The following TTLL5 variants were observed in gnomAD, a reference collection of about 807,000 sequenced individuals.
The protein encoded by TTLL5 is tubulin polyglutamylase TTLL5.
In TTLL5, 132 loss-of-function variants were observed where a neutral mutation model predicts 168.4. The observed-to-expected ratio is 0.78, with a 90% CI of 0.68 to 0.91. The LOEUF (loss-of-function observed/expected upper bound fraction) is 0.91, where lower values mean the gene tolerates loss of function less well. Ranked by LOEUF, TTLL5 falls within the 40% of genes least tolerant of loss-of-function variation. The pLI is 0.00. For synonymous variants in TTLL5, 546 were observed against 558.6 expected (o/e 0.98, Z 0.32); for missense variants, 1,545 against 1,581.5 (o/e 0.98, Z 0.39).
In TTLL5 at chr14:75,831,434, AT is replaced by A. The variant is rs575659440; in HGVS notation, c.3326+11274del. On this transcript the variant is annotated intron_variant, in intron 28 of 31. Coordinates refer to ENST00000298832, the MANE Select transcript of TTLL5 (RefSeq NM_015072.5). ...GGTTTTTAAAGCAGATCCCAGCATT[AT>A]CTTTTTATTTTCTGAGATGTGTCCA... 4.5e-3 allele frequency among the ~76,000 whole-genome samples: 678 copies of A among 152,270 alleles called. 1 individual carries two copies. Among genetic ancestry groups the A allele is most frequent in the Non-Finnish European group, 6.7e-3 (458 of 68,016 alleles).
chr14:75,762,116 C>G (rs1890684491), intron 18 of TTLL5, among the ~76,000 whole-genome samples: 1 of 152,052 alleles, frequency 6.6e-6, no homozygotes, highest in East Asian at 1.9e-4. Context: ...ATGTTGGGGG[C>G]TGGGCGTGGT....
intron 31 of TTLL5, among the ~76,000 whole-genome samples, chr14:75,907,585 C>G (rs907760545): frequency 1.4e-4 from 21 of 152,328 alleles, no homozygotes; most frequent in African/African-American, 5.1e-4. Context: ...CCACAGGATT[C>G]ATTTACATTG....
intron 28 of TTLL5, among the ~76,000 whole-genome samples, chr14:75,858,216 A>G (rs146031417): frequency 1.3e-5 from 2 of 152,274 alleles, no homozygotes; most frequent in African/African-American, 2.4e-5. Context: ...CTGTGTTGAC[A>G]TTTGCACCGA....
intron 9 of TTLL5, 64 bp from the exon 10 acceptor site, chr14:75,717,797 C>T (rs1187122582): frequency 3.4e-6 from 5 of 1,462,062 alleles, no homozygotes; most frequent in African/African-American, 2.8e-5. Context: ...CATTGATCCT[C>T]AGTTCCAGCC....
intron 31 of TTLL5, among the ~76,000 whole-genome samples, chr14:75,916,690 C>G (rs74958277): frequency 6.6e-6 from 1 of 152,076 alleles, no homozygotes. Context: ...ATTCTGTGTG[C>G]GTATGCCCAA....
At chr14:75,678,911 T>A (rs1041662718) in intron 3 of TTLL5, among the ~76,000 whole-genome samples, 8 of 152,226 alleles carry the variant, frequency 5.3e-5, no homozygotes, top group Admixed American at 1.3e-4. Flanking sequence ...TCCTATTCCC[T>A]AATAGCCTCT....
chr14:75,846,574 T>C (rs1020180496), intron 28 of TTLL5, among the ~76,000 whole-genome samples: 9 of 152,076 alleles, frequency 5.9e-5, no homozygotes, highest in Non-Finnish European at 8.8e-5. Flanking sequence ...GCGGATCACC[T>C]GAGATCGGGA....
At chr14:75,732,618 C>A (rs1239948103) in intron 13 of TTLL5, among the ~76,000 whole-genome samples, 199 bp downstream of exon 13, 1 of 152,094 alleles carries the variant, frequency 6.6e-6, no homozygotes, top group African/African-American at 2.4e-5. Context: ...CTCTGTCTTC[C>A]TAGTCAATTT....
intron 28 of TTLL5, among the ~76,000 whole-genome samples, chr14:75,828,662 G>A (rs1051623039): frequency 1.3e-5 from 2 of 152,138 alleles, no homozygotes; most frequent in African/African-American, 4.8e-5. Flanking sequence ...ACATTCTTTT[G>A]AAACTGGGTT....
At chr14:75,798,976 C>T (rs1893138798) in intron 27 of TTLL5, among the ~76,000 whole-genome samples, 1 of 152,084 alleles carries the variant, frequency 6.6e-6, no homozygotes, top group South Asian at 2.1e-4. Context: ...TATCCGTTAA[C>T]TCCATTTGTT....
At chr14:75,906,561 T>G (rs1197443719) in intron 31 of TTLL5, 2 of 985,876 alleles carry the variant, frequency 2.0e-6, no homozygotes, top group East Asian at 1.1e-4. Context: ...TCAGGATCTT[T>G]GGATACTCCC....
chr14:75,935,268 G>A (rs1159089392), intron 31 of TTLL5, among the ~76,000 whole-genome samples: 2 of 152,148 alleles, frequency 1.3e-5, no homozygotes, highest in Non-Finnish European at 2.9e-5. Context: ...AACAGCCCTC[G>A]TTGGTTTCTT....
chr14:75,773,907 C>CAT (rs34160638), intron 21 of TTLL5, among the ~76,000 whole-genome samples: 1,487 of 28,682 alleles, frequency 0.052, 94 homozygotes, highest in African/African-American at 0.089. Flanking sequence ...AAAAAAAATA[C>CAT]ATATATATAT....
At chr14:75,883,798 T>C (rs866959584) in intron 30 of TTLL5, among the ~76,000 whole-genome samples, 1 of 152,236 alleles carries the variant, frequency 6.6e-6, no homozygotes, top group East Asian at 1.9e-4. Context: ...AGAGCTGGCA[T>C]TGTAATGACT....
intron 30 of TTLL5, among the ~76,000 whole-genome samples, chr14:75,892,737 G>A (rs2032463579): frequency 2.6e-5 from 4 of 152,168 alleles, no homozygotes; most frequent in Non-Finnish European, 5.9e-5. Flanking sequence ...GGCATGAACC[G>A]ACTAACTGAG....
chr14:75,849,471 T>C (rs941196720), intron 28 of TTLL5, among the ~76,000 whole-genome samples: 2 of 152,202 alleles, frequency 1.3e-5, no homozygotes, highest in African/African-American at 4.8e-5. Flanking sequence ...GGAGGTCATA[T>C]GCTGGGAAAA....
chr14:75,954,662 G>A lies in TTLL5; in HGVS notation c.*216G>A. 3.3e-6 allele frequency: 2 copies of A among 597,318 alleles called. No homozygotes were observed. The highest frequency in any genetic ancestry group is 4.3e-5 in the South Asian group (2 of 46,648). The allele number at this position is 597,318 out of a possible 1,614,324, so 37.0% of individuals were successfully genotyped here. The stretch of plus-strand genomic sequence containing the variant: ...GAAAGCAGATCTTCTGGGTTTTGAT[G>A]GAACTTGGCAGTGGGGACATTCAGC... On this transcript the variant is annotated 3_prime_UTR_variant, in exon 32 of 32. Transcript: ENST00000298832.
At chr14:75,949,383 A>G (rs1367228210) in intron 31 of TTLL5, among the ~76,000 whole-genome samples, 2 of 135,408 alleles carry the variant, frequency 1.5e-5, no homozygotes, top group Non-Finnish European at 3.2e-5. Flanking sequence ...AAGGTTATAT[A>G]TATATAGGAT....
intron 6 of TTLL5, among the ~76,000 whole-genome samples, chr14:75,691,988 A>G (rs1885498002): frequency 6.6e-6 from 1 of 152,218 alleles, no homozygotes. Context: ...TTGCCCACAG[A>G]TGGCTCTGCA....
Sources: allele counts gnomAD v4.1 joint callset (sites outside exome capture counted in the v4.1 genomes callset), GRCh38; gene constraint gnomAD v4.1.1; transcripts MANE v1.5; gene names NCBI Gene and HGNC (gene_info 2026-07-23, HGNC 2026-07-21).